Variants in ARAP1 observed in about 807,000 individuals in gnomAD.
ARAP1 encodes arf-GAP with Rho-GAP domain, ANK repeat and PH domain-containing protein 1.
In ARAP1, 76 loss-of-function variants were observed where a neutral mutation model predicts 172.2. The observed-to-expected ratio is 0.44, with a 90% confidence interval of 0.37 to 0.53. The LOEUF is 0.53. Among genes scored for constraint, ARAP1 ranks in the 20% least tolerant of loss-of-function variants. ARAP1 has a pLI of 0.00. For missense variants in ARAP1, 1,686 were observed against 1,977.5 expected (o/e 0.85, Z 2.80); for synonymous variants, 804 against 803.3 (o/e 1.00, Z -0.01).
At chr11:72,743,805 G>A (rs1280626289) in intron 1 of ARAP1, among the ~76,000 whole-genome samples, 1 of 151,934 alleles carries the variant, frequency 6.6e-6, no homozygotes, top group Non-Finnish European at 1.5e-5. Context: ...CCCCAGACCA[G>A]GGCAGAACCA....
chr11:72,700,672 A>G (rs71477741), intron 16 of ARAP1: 1 of 152,290 alleles, frequency 6.6e-6, no homozygotes, highest in Non-Finnish European at 1.5e-5. Flanking sequence ...AGATAAGTAC[A>G]TTAATGGACA....
chr11:72,726,610 A>T lies in ARAP1; in HGVS notation c.509+10T>A. The T allele has an allele frequency of 6.7e-7, 1 of 1,489,760 alleles. No individual in the cohort carries two copies. The highest frequency in any genetic ancestry group is 8.9e-7 in the Non-Finnish European group (1 of 1,118,206). 92.3% of individuals were successfully genotyped at this position (1,489,760 alleles called of 1,614,324 possible). On this transcript the variant is annotated intron_variant, in intron 3 of 34. Coordinates refer to ENST00000393609, the MANE Select transcript of ARAP1 (RefSeq NM_001040118.3). This position sits in a 1 kb window ranked among gnomAD's most constrained non-coding sequence, Gnocchi z 6.5. ...CTGTGCGCCTCCCACCCTGGGTGGC[A>T]TCCACTCACCTCACCAGCAGGCGGG...
chr11:72,693,944 C>A lies in ARAP1; in HGVS notation c.3695-139G>T. The A allele has an allele frequency of 1.5e-6, 1 of 657,372 alleles. No individual in the cohort carries two copies. Among genetic ancestry groups the A allele is most frequent in the Non-Finnish European group, 2.6e-6 (1 of 388,586 alleles). 40.7% of individuals were successfully genotyped at this position (657,372 alleles called of 1,614,324 possible). A position where few individuals can be genotyped will look rare whatever the true frequency, so the allele number is the denominator to read the frequency against. ...GTGCCACGACACAAAACACCACCAT[C>A]ATGACCACCCTTCCCATGACCAAGC... is the stretch of plus-strand genomic sequence containing the variant. On this transcript the variant is annotated intron_variant, in intron 27 of 34. Coordinates refer to ENST00000393609, the MANE Select transcript of ARAP1 (RefSeq NM_001040118.3). This position sits in a 1 kb window ranked among gnomAD's most constrained non-coding sequence, Gnocchi z 4.6.
rs1302910193 is a variant in ARAP1 at position 72,710,469 on chromosome 11, A to G, written c.1332T>C (p.Ala444=). 1 of 1,613,976 alleles carries G rather than the reference A, an allele frequency of 6.2e-7. No homozygotes were observed. Among genetic ancestry groups the G allele is most frequent in the East Asian group, 2.2e-5 (1 of 44,870 alleles). ...GVPGSEQPDR[A]GSLELRGFKN... ...TGAAGCCACGAAGCTCCAGGCTGCC[A>G]GCGCGGTCAGGCTGCTCTGAGCCTG... Residue 444 remains alanine, a synonymous_variant, in exon 10 of 35, where the codon GCT becomes GCC. Transcript: ENST00000393609. This position sits in a 1 kb window ranked among gnomAD's most constrained non-coding sequence, Gnocchi z 4.3.
intron 1 of ARAP1, among the ~76,000 whole-genome samples, chr11:72,747,532 G>C (rs914238264): frequency 6.6e-6 from 1 of 152,180 alleles, no homozygotes; most frequent in African/African-American, 2.4e-5. Context: ...CAACACTTCA[G>C]GAAGCCCCAA....
At chr11:72,742,313 C>T (rs1830248871) in intron 1 of ARAP1, among the ~76,000 whole-genome samples, 1 of 152,192 alleles carries the variant, frequency 6.6e-6, no homozygotes, top group Non-Finnish European at 1.5e-5. Flanking sequence ...CAGTGCTTAC[C>T]GTCTACCCAG....
At chr11:72,718,900 CT>C (rs369964984) in intron 3 of ARAP1, among the ~76,000 whole-genome samples, 184 of 152,282 alleles carry the variant, frequency 1.2e-3, no homozygotes, top group Middle Eastern at 3.4e-3. Context: ...TCAGCAGGGA[CT>C]TACAAACACC....
Position 72,707,388 on chromosome 11 carries a change from GGTGGGGAGATTA to G in ARAP1, c.1524-26_1524-15del, listed in dbSNP as rs1172670799. On this transcript the variant is annotated splice_polypyrimidine_tract_variant and intron_variant, in intron 11 of 34. Transcript: ENST00000393609. ...TCAGCAGAGAAGCTGGGGACATAGG[GGTGGGGAGATTA>G]GTGGGGATGGACTCAGAGGGATTTG... 1.9e-6 allele frequency: 3 copies of G among 1,605,224 alleles called. No homozygotes were observed. Among genetic ancestry groups the G allele is most frequent in the Admixed American group, 1.7e-5 (1 of 59,594 alleles).
At position 72,737,906 on chromosome 11, in the gene ARAP1, G is replaced by A. The variant is rs372197388; in HGVS notation, c.-127-5309C>T. Among the ~76,000 whole-genome samples, 4 of 152,298 alleles carry A rather than the reference G, an allele frequency of 2.6e-5. No homozygotes were observed. In the East Asian group the frequency reaches 7.7e-4, roughly 29 times the overall value. ...CCCAAAGTGCTGGGAGTACAGGCGT[G>A]AGCCACCGCACCCAGTCCCTCATTT... is the stretch of plus-strand genomic sequence containing the variant. On this transcript the variant is annotated intron_variant, in intron 1 of 34. Coordinates refer to ENST00000393609, the MANE Select transcript of ARAP1 (RefSeq NM_001040118.3).
At chr11:72,705,233 T>C (rs1412735215) in intron 13 of ARAP1, 1 of 152,818 alleles carries the variant, frequency 6.5e-6, no homozygotes, top group Non-Finnish European at 1.5e-5. Flanking sequence ...TACACGTGTG[T>C]GCACACACAG....
At chr11:72,745,968 A>T (rs1278651344) in intron 1 of ARAP1, among the ~76,000 whole-genome samples, 2 of 151,898 alleles carry the variant, frequency 1.3e-5, no homozygotes, top group African/African-American at 2.4e-5. Context: ...AGCCTTCTAT[A>T]CCCTAAGGCA....
chr11:72,738,404 C>T (rs780531129), intron 1 of ARAP1, among the ~76,000 whole-genome samples: 32 of 152,140 alleles, frequency 2.1e-4, no homozygotes, highest in Admixed American at 4.6e-4. Context: ...CTTTCCACAC[C>T]CAGCTCTGGA....
At position 72,707,293 on chromosome 11, in the gene ARAP1, C is replaced by T. The variant is rs1005849176; in HGVS notation, c.1605G>A (p.Ser535=). Residue 535 remains serine (S), a synonymous_variant, in exon 12 of 35, where the codon TCG becomes TCA. Transcript: ENST00000393609. ...QGAIAEALST[S]EVAERIWAAA... ...CAGCCCAGATGCGCTCGGCCACCTC[C>T]GAGGTAGACAGGGCCTCAGCGATGG... 8.1e-6 allele frequency: 13 copies of T among 1,613,634 alleles called. No individual in the cohort carries two copies. Among genetic ancestry groups the T allele is most frequent in the East Asian group, 2.2e-5 (1 of 44,902 alleles).
At chr11:72,713,846 C>CAAAAAAAA (rs71469440) in intron 4 of ARAP1, among the ~76,000 whole-genome samples, 1 of 81,492 alleles carries the variant, frequency 1.2e-5, no homozygotes, top group Non-Finnish European at 2.7e-5. Context: ...GACTCCATCT[C>CAAAAAAAA]AAAAAAAAAA....
At chr11:72,692,691 A>C in intron 30 of ARAP1, 62 bp downstream of exon 30, 1 of 1,605,272 alleles carries the variant, frequency 6.2e-7, no homozygotes, top group Non-Finnish European at 8.5e-7. Context: ...CCATGCTCCC[A>C]CCCAGCTCAT....
In ARAP1 at chr11:72,697,417, GGCT is replaced by G. The variant is rs1565212831; in HGVS notation, c.2856_2858del (p.Ala954del). ...CCGACAGCGTGTCCCCCATGCTGGC[GGCT>G]GCTTTCTGGATGGCCCCCAGCCAAC... On this transcript the variant is annotated inframe_deletion, in exon 21 of 35. Coordinates refer to ENST00000393609, the MANE Select transcript of ARAP1 (RefSeq NM_001040118.3). 2 of 1,611,894 alleles carry G rather than the reference GGCT, an allele frequency of 1.2e-6. No individual in the cohort carries two copies. The highest frequency in any genetic ancestry group is 3.3e-5 in the Admixed American group (2 of 59,868).
At chr11:72,737,635 T>C (rs1159824270) in intron 1 of ARAP1, among the ~76,000 whole-genome samples, 1 of 151,960 alleles carries the variant, frequency 6.6e-6, no homozygotes, top group African/African-American at 2.4e-5. Context: ...GTTCTTTTTT[T>C]TTTTTTTGAA....
At position 72,741,082 on chromosome 11, in the gene ARAP1, A is replaced by AC. The variant is rs989914723; in HGVS notation, c.-127-8486dup. On this transcript the variant is annotated intron_variant, in intron 1 of 34. Transcript: ENST00000393609. This position sits in a 1 kb window ranked among gnomAD's most constrained non-coding sequence, Gnocchi z 4.5. ...CTATGCCCCTCTGGCCCCACCACAT[A>AC]CCCCCGACCCCTAATGGGTCTGGGG... is the stretch of plus-strand genomic sequence containing the variant. Among the ~76,000 whole-genome samples, 17 of 150,974 alleles carry AC rather than the reference A, an allele frequency of 1.1e-4. No individual in the cohort carries two copies. The highest frequency in any genetic ancestry group is 3.9e-4 in the African/African-American group (16 of 40,980).
chr11:72,746,236 C>T (rs1858360817), intron 1 of ARAP1, among the ~76,000 whole-genome samples: 2 of 152,210 alleles, frequency 1.3e-5, no homozygotes, highest in African/African-American at 4.8e-5. Flanking sequence ...CATCTCTCCC[C>T]ACTGCCAAGA....
Sources: allele counts gnomAD v4.1 joint callset (sites outside exome capture counted in the v4.1 genomes callset), GRCh38; gene constraint gnomAD v4.1.1; non-coding constraint Gnocchi (gnomAD v3.1); transcripts MANE v1.5; gene names NCBI Gene and HGNC (gene_info 2026-07-23, HGNC 2026-07-21).